The following LRP1B variants were observed in gnomAD, a reference collection of about 807,000 sequenced individuals.
LRP1B encodes LDL receptor related protein 1B, also known as low-density lipoprotein receptor-related protein 1B.
Under a neutral mutation model 556.6 loss-of-function variants are expected in LRP1B, and 217 were observed. The ratio of observed to expected loss-of-function variants is 0.39; its 90% CI spans 0.35 to 0.44. The LOEUF (loss-of-function observed/expected upper bound fraction) is 0.44, where lower values mean the gene tolerates loss of function less well. LRP1B is among the 20% of genes least tolerant of loss of function. The probability of loss-of-function intolerance (pLI) is 1.00; values close to 1 mark genes in which losing one functional copy is unlikely to be tolerated. For synonymous variants in LRP1B, 2,047 were observed against 1,865.8 expected, an observed-to-expected ratio of 1.10 and a Z score of -2.50; for missense variants, 5,053 against 5,620.8, an observed-to-expected ratio of 0.90 and a Z score of 3.23.
chr2:140,844,197 G>T (rs1316419717), intron 29 of LRP1B, among the ~76,000 whole-genome samples: 1 of 152,040 alleles, frequency 6.6e-6, no homozygotes, highest in East Asian at 1.9e-4. Flanking sequence ...GAGTAGCTGG[G>T]ATTACAGGCA....
At chr2:141,336,263 T>G (rs1389234569) in intron 3 of LRP1B, among the ~76,000 whole-genome samples, 1 of 152,148 alleles carries the variant, frequency 6.6e-6, no homozygotes, top group Non-Finnish European at 1.5e-5. Flanking sequence ...AATTATAAGT[T>G]TACTGCACCT....
At chr2:140,642,737 G>A (rs1290185159) in intron 41 of LRP1B, among the ~76,000 whole-genome samples, 1 of 152,070 alleles carries the variant, frequency 6.6e-6, no homozygotes. Context: ...CCAGCTACTC[G>A]GGAGGCTGAG....
chr2:140,742,993 T>G (rs533010183), intron 35 of LRP1B, among the ~76,000 whole-genome samples: 2 of 152,258 alleles, frequency 1.3e-5, no homozygotes, highest in East Asian at 1.9e-4. Flanking sequence ...AAACATAAAC[T>G]AATTAAAAAT....
intron 3 of LRP1B, among the ~76,000 whole-genome samples, chr2:141,398,323 GAA>G (rs545724253): frequency 1.3e-5 from 2 of 152,078 alleles, no homozygotes; most frequent in Admixed American, 6.6e-5. Flanking sequence ...TGCTTACCAT[GAA>G]AAAAAGACCA....
intron 1 of LRP1B, among the ~76,000 whole-genome samples, chr2:142,047,425 G>A (rs10166998): frequency 0.019 from 2,947 of 152,026 alleles, 37 homozygotes; most frequent in African/African-American, 0.026. Context: ...CATTCAGAAG[G>A]TCTGTAGTCG....
intron 3 of LRP1B, among the ~76,000 whole-genome samples, chr2:141,402,901 C>T (rs1293284831): frequency 6.6e-6 from 1 of 152,024 alleles, no homozygotes; most frequent in Non-Finnish European, 1.5e-5. Context: ...TGGATGAGAA[C>T]TCCTCCTTCT....
intron 11 of LRP1B, among the ~76,000 whole-genome samples, chr2:141,027,898 G>A (rs1355999596): frequency 6.6e-6 from 1 of 152,060 alleles, no homozygotes; most frequent in African/African-American, 2.4e-5. Flanking sequence ...TCTGCAACCT[G>A]GAAGAGGTCC....
chr2:141,277,630 G>A (rs910272673), intron 3 of LRP1B, among the ~76,000 whole-genome samples: 1 of 151,296 alleles, frequency 6.6e-6, no homozygotes, highest in South Asian at 2.1e-4. Context: ...TATATGGATG[G>A]GAGTATATAT....
At chr2:140,764,113 C>A (rs982254982) in intron 35 of LRP1B, among the ~76,000 whole-genome samples, 6 of 151,992 alleles carry the variant, frequency 3.9e-5, no homozygotes, top group Admixed American at 3.9e-4. Context: ...GTGACAAAGT[C>A]GTTACTAGAA....
intron 1 of LRP1B, among the ~76,000 whole-genome samples, chr2:141,824,588 C>A (rs1438065574): frequency 6.6e-6 from 1 of 152,068 alleles, no homozygotes; most frequent in East Asian, 1.9e-4. Flanking sequence ...CTCCTGACCT[C>A]GTGATCCTCC....
At chr2:141,971,245 G>C (rs1294445740) in intron 1 of LRP1B, among the ~76,000 whole-genome samples, 1 of 151,362 alleles carries the variant, frequency 6.6e-6, no homozygotes, top group East Asian at 1.9e-4. Flanking sequence ...ATCTTAGAAA[G>C]AATTAGAAAG....
At chr2:141,623,963 C>T (rs1463960208) in intron 2 of LRP1B, among the ~76,000 whole-genome samples, 4 of 141,528 alleles carry the variant, frequency 2.8e-5, no homozygotes, top group Admixed American at 7.4e-5. Context: ...TGCAGTGAGC[C>T]GAGATCGCAC....
intron 7 of LRP1B, among the ~76,000 whole-genome samples, chr2:141,139,808 TG>T (rs1701595966): frequency 6.6e-6 from 1 of 151,664 alleles, no homozygotes; most frequent in African/African-American, 2.4e-5. Context: ...TGTGTGTGTG[TG>T]TGTGTGTGTG....
chr2:140,246,583 T>C (rs1230095901), intron 87 of LRP1B, among the ~76,000 whole-genome samples: 1 of 37,746 alleles, frequency 2.6e-5, no homozygotes, highest in Admixed American at 4.6e-4. Flanking sequence ...AAACCAATAC[T>C]TTAAAGATAA....
intron 3 of LRP1B, among the ~76,000 whole-genome samples, chr2:141,263,180 C>T (rs888337295): frequency 1.3e-5 from 2 of 151,826 alleles, no homozygotes; most frequent in Non-Finnish European, 2.9e-5. Flanking sequence ...TTGTCCATTG[C>T]TAGCAATCAA....
At chr2:141,625,454 C>T (rs1158381472) in intron 2 of LRP1B, among the ~76,000 whole-genome samples, 1 of 152,114 alleles carries the variant, frequency 6.6e-6, no homozygotes, top group Admixed American at 6.5e-5. Flanking sequence ...ACATTATCTA[C>T]TCCGTACATT....
intron 1 of LRP1B, among the ~76,000 whole-genome samples, chr2:142,108,527 A>G (rs993042447): frequency 3.9e-5 from 6 of 152,184 alleles, no homozygotes; most frequent in African/African-American, 1.2e-4. Context: ...AAGAATTTCC[A>G]TTTTTAGAGT....
chr2:141,479,692 G>A (rs548166538), intron 3 of LRP1B, among the ~76,000 whole-genome samples: 229 of 152,110 alleles, frequency 1.5e-3, no homozygotes, highest in African/African-American at 5.0e-3. Flanking sequence ...CCAAATCTGG[G>A]TCCTTACCTG....
rs192874901 is a variant in LRP1B at position 140,803,943 on chromosome 2, T to C, written c.5359+9714A>G. 4.5e-3 allele frequency among the ~76,000 whole-genome samples: 551 copies of C among 121,944 alleles called. 3 individuals carry two copies. The highest frequency in any genetic ancestry group is 0.015 in the African/African-American group (471 of 31,528). 80.0% of individuals were successfully genotyped at this position (121,944 alleles called of 152,430 possible). A position where few individuals can be genotyped will look rare whatever the true frequency, so the allele number is the denominator to read the frequency against. On this transcript the variant is annotated intron_variant, in intron 32 of 90. Coordinates refer to ENST00000389484, the MANE Select transcript of LRP1B (RefSeq NM_018557.3). ...AATGGAGAGCCTAGGGCAGACAGAG[T>C]GGGGTAAATGAGAGAAGAAAAGGTA...
Sources: gnomAD v4.1 joint callset for allele counts (sites outside exome capture counted in the v4.1 genomes callset) on GRCh38, gnomAD v4.1.1 for gene constraint, MANE v1.5 for transcripts, NCBI Gene and HGNC (gene_info 2026-07-23, HGNC 2026-07-21) for gene names.